The following DOCK8 variants were observed in gnomAD, a reference collection of about 807,000 sequenced individuals.
The protein encoded by DOCK8 is dedicator of cytokinesis protein 8.
In DOCK8, 141 loss-of-function variants were observed where a neutral mutation model predicts 245.6. That is an observed-to-expected ratio of 0.57 (90% CI 0.50 to 0.66). The LOEUF (loss-of-function observed/expected upper bound fraction) is 0.66, where lower values mean the gene tolerates loss of function less well. Ranked by LOEUF, DOCK8 falls within the 30% of genes least tolerant of loss-of-function variation. DOCK8 has a pLI of 0.00. For synonymous variants in DOCK8, 1,168 were observed against 970.2 expected, an observed-to-expected ratio of 1.20 and a Z score of -3.79; for missense variants, 2,965 against 2,603.4, an observed-to-expected ratio of 1.14 and a Z score of -3.02.
chr9:267,526 A>T (rs2048063880), intron 1 of DOCK8, among the ~76,000 whole-genome samples: 2 of 152,232 alleles, frequency 1.3e-5, no homozygotes, highest in South Asian at 4.1e-4. Context: ...TTTTAAAATT[A>T]TGAACTTACA....
intron 9 of DOCK8, among the ~76,000 whole-genome samples, chr9:329,236 G>C (rs535971178): frequency 2.6e-5 from 4 of 152,234 alleles, no homozygotes; most frequent in African/African-American, 9.6e-5. Flanking sequence ...ACAGGCGTGA[G>C]CCACTGTGCC....
At chr9:403,956 ATATGTATATATATATATATG>A (rs1387163762) in intron 26 of DOCK8, among the ~76,000 whole-genome samples, 2 of 78,714 alleles carry the variant, frequency 2.5e-5, no homozygotes, top group South Asian at 3.9e-4. Context: ...GTATATATAT[ATATGTATATATATATATATG>A]TGTATATATA....
intron 29 of DOCK8, among the ~76,000 whole-genome samples, chr9:417,759 A>G (rs902959476): frequency 6.6e-6 from 1 of 152,218 alleles, no homozygotes; most frequent in African/African-American, 2.4e-5. Flanking sequence ...CATTATTTAA[A>G]ATAATGCCAA....
chr9:294,186 G>C (rs1278039930), intron 4 of DOCK8, among the ~76,000 whole-genome samples: 4 of 152,210 alleles, frequency 2.6e-5, no homozygotes, highest in Non-Finnish European at 4.4e-5. Context: ...TGTGTCCTAA[G>C]TTACTGAAAC....
intron 2 of DOCK8, 148 bp from the exon 3 acceptor site, chr9:286,313 C>T: frequency 2.4e-6 from 2 of 822,010 alleles, no homozygotes; most frequent in Admixed American, 2.7e-5. Flanking sequence ...CTGTGTTTGA[C>T]AGCTCCTCCA....
chr9:254,877 T>C (rs568357802), intron 1 of DOCK8, among the ~76,000 whole-genome samples: 1 of 152,318 alleles, frequency 6.6e-6, no homozygotes, highest in Non-Finnish European at 1.5e-5. Context: ...GTTATTATAA[T>C]GCAGATTCTA....
chr9:367,627 A>G (rs1222267820), intron 14 of DOCK8, among the ~76,000 whole-genome samples: 1 of 152,254 alleles, frequency 6.6e-6, no homozygotes, highest in East Asian at 1.9e-4. Context: ...GATTAGGAAG[A>G]AAAAAGAGAA....
At chr9:218,515 G>C (rs779087219) in intron 1 of DOCK8, among the ~76,000 whole-genome samples, 9 of 152,136 alleles carry the variant, frequency 5.9e-5, no homozygotes, top group Non-Finnish European at 1.0e-4. Context: ...AATAACATTT[G>C]CGTTTGGGAT....
intron 14 of DOCK8, among the ~76,000 whole-genome samples, chr9:347,113 G>A (rs1324114885): frequency 6.6e-6 from 1 of 152,106 alleles, no homozygotes; most frequent in Non-Finnish European, 1.5e-5. Flanking sequence ...CTGGTGGTCT[G>A]ACACTCTCTT....
intron 11 of DOCK8, among the ~76,000 whole-genome samples, chr9:335,920 A>G (rs2051286271): frequency 6.6e-6 from 1 of 152,230 alleles, no homozygotes; most frequent in East Asian, 1.9e-4. Flanking sequence ...GATTATTTAC[A>G]AGAGAACCCA....
At chr9:424,054 G>T (rs921433955) in intron 33 of DOCK8, among the ~76,000 whole-genome samples, 1 of 108,150 alleles carries the variant, frequency 9.2e-6, no homozygotes, top group Non-Finnish European at 2.0e-5. Flanking sequence ...ATTCTCAGGG[G>T]CTTTGTGCTT....
intron 1 of DOCK8, among the ~76,000 whole-genome samples, chr9:254,648 A>G (rs1563843920): frequency 6.6e-6 from 1 of 152,210 alleles, no homozygotes; most frequent in Non-Finnish European, 1.5e-5. Context: ...ATTTCCCTGC[A>G]GGTGGAAGTG....
rs80095814 is a variant in DOCK8 at position 318,607 on chromosome 9, G to C, written c.827+1479G>C. On this transcript the variant is annotated intron_variant, in intron 7 of 47. Transcript: ENST00000432829. ...CCTCCCGCTGGCCAGTTCTACCAGA[G>C]GGTCTTCAGGGCCTTTTGTACGGAG... Among the ~76,000 whole-genome samples the C allele has an allele frequency of 4.0e-3, 609 of 152,340 alleles. 3 individuals are homozygous for C. Among genetic ancestry groups the C allele is most frequent in the African/African-American group, 0.014 (581 of 41,578 alleles).
chr9:355,142 G>A (rs369901740), intron 14 of DOCK8, among the ~76,000 whole-genome samples: 1 of 151,398 alleles, frequency 6.6e-6, no homozygotes, highest in African/African-American at 2.4e-5. Context: ...TGAGGACAAC[G>A]TGCCTCATGA....
At chr9:451,356 C>T (rs1044655721) in intron 45 of DOCK8, among the ~76,000 whole-genome samples, 6 of 151,922 alleles carry the variant, frequency 3.9e-5, no homozygotes, top group African/African-American at 1.2e-4. Context: ...GTGTATGGTG[C>T]GCACGCCTGT....
intron 4 of DOCK8, among the ~76,000 whole-genome samples, chr9:293,020 G>C (rs1038735796): frequency 6.6e-6 from 1 of 152,172 alleles, no homozygotes; most frequent in Non-Finnish European, 1.5e-5. Flanking sequence ...AAAGGAATAT[G>C]TGTTTTAATT....
At chr9:325,160 T>C (rs1393660907) in intron 7 of DOCK8, among the ~76,000 whole-genome samples, 1 of 152,246 alleles carries the variant, frequency 6.6e-6, no homozygotes, top group African/African-American at 2.4e-5. Flanking sequence ...TTCTATTTTA[T>C]GGATAAGCAG....
rs932409929 is a variant in DOCK8 at position 420,428 on chromosome 9, G to A, written c.3868G>A (p.Ala1290Thr). 1.5e-5 allele frequency: 25 copies of A among 1,614,022 alleles called. No homozygotes were observed. Among genetic ancestry groups the A allele is most frequent in the Admixed American group, 5.0e-5 (3 of 60,008 alleles). The change falls in exon 31 of 48, where the codon GCG (alanine) becomes ACG (threonine). Residue 1290 changes from alanine (A) to threonine (T), a missense_variant. Transcript: ENST00000432829. ...CTATAAGCAGTACAACATGCTGAAC[G>A]CGGACACTACTCGCAACCTCATGAT... is the stretch of plus-strand genomic sequence containing the variant. The part of the protein sequence containing the change: ...LPYKQYNMLN[A>T]DTTRNLMICF...
intron 23 of DOCK8, among the ~76,000 whole-genome samples, chr9:387,880 G>A (rs567279744): frequency 6.6e-6 from 1 of 152,304 alleles, no homozygotes; most frequent in Admixed American, 6.5e-5. Flanking sequence ...TGGTTTCGCA[G>A]TTGCCATGTT....
Sources: allele counts gnomAD v4.1 joint callset (sites outside exome capture counted in the v4.1 genomes callset), GRCh38; gene constraint gnomAD v4.1.1; transcripts MANE v1.5; gene names NCBI Gene and HGNC (gene_info 2026-07-23, HGNC 2026-07-21).